PDE11A: variants seen among roughly 807,000 people sequenced by gnomAD.
PDE11A encodes dual 3',5'-cyclic-AMP and -GMP phosphodiesterase 11A.
A neutral mutation model predicts 100.5 loss-of-function variants in PDE11A; 100 were observed. That is an observed-to-expected ratio of 1.00 (90% CI 0.85 to 1.18). The LOEUF (loss-of-function observed/expected upper bound fraction) is 1.18. Ranked by LOEUF, PDE11A falls within the 50% of genes most tolerant of loss-of-function variation. The pLI is 0.00. For synonymous variants in PDE11A, 381 were observed against 420.8 expected (o/e 0.91, Z 1.16); for missense variants, 1,141 against 1,152.6 (o/e 0.99, Z 0.15).
At chr2:177,786,998 G>A (rs1239276124) in intron 9 of PDE11A, among the ~76,000 whole-genome samples, 1 of 145,772 alleles carries the variant, frequency 6.9e-6, no homozygotes, top group Non-Finnish European at 1.5e-5. Flanking sequence ...CCCCAATCTA[G>A]CAAGGCAGGC....
At chr2:177,987,774 T>G (rs942498034) in intron 2 of PDE11A, among the ~76,000 whole-genome samples, 3 of 152,236 alleles carry the variant, frequency 2.0e-5, no homozygotes, top group Non-Finnish European at 4.4e-5. Context: ...TTTTATCATT[T>G]ATTATGTTTT....
At chr2:177,947,707 A>G (rs1355001625) in intron 2 of PDE11A, among the ~76,000 whole-genome samples, 1 of 151,688 alleles carries the variant, frequency 6.6e-6, no homozygotes, top group Non-Finnish European at 1.5e-5. Context: ...TCCCTCCACT[A>G]TTGTCCCATG....
intron 18 of PDE11A, among the ~76,000 whole-genome samples, chr2:177,668,511 C>T (rs942157019): frequency 3.3e-5 from 5 of 152,112 alleles, no homozygotes; most frequent in African/African-American, 1.2e-4. Flanking sequence ...TGTGTTTCAA[C>T]CTATGTAGCC....
At chr2:177,957,253 T>C (rs1193132679) in intron 2 of PDE11A, among the ~76,000 whole-genome samples, 2 of 133,612 alleles carry the variant, frequency 1.5e-5, no homozygotes, top group Admixed American at 1.4e-4. Context: ...TATATGCTAT[T>C]TTTTCCCAAC....
chr2:177,682,572 A>C (rs1407043211), intron 15 of PDE11A, among the ~76,000 whole-genome samples: 1 of 152,240 alleles, frequency 6.6e-6, no homozygotes, highest in Non-Finnish European at 1.5e-5. Context: ...AGAAAAGGAA[A>C]AAAAGAGGAC....
At chr2:177,845,858 G>A (rs539819947) in intron 5 of PDE11A, among the ~76,000 whole-genome samples, 61 of 152,320 alleles carry the variant, frequency 4.0e-4, no homozygotes, top group African/African-American at 7.9e-4. Context: ...GCGAAACCCC[G>A]TCTCCACCAA....
chr2:178,072,253 G>A lies in PDE11A; in HGVS notation c.185C>T (p.Ala62Val). Residue 62 changes from alanine (A) to valine (V), a missense_variant, in exon 1 of 20, where the codon GCT (alanine) becomes GTT (valine). By Grantham distance (64) the Ala-to-Val change is moderately conservative (BLOSUM62 0). Coordinates refer to ENST00000286063, the MANE Select transcript of PDE11A (RefSeq NM_016953.4). Reference sequence around the variant, plus strand: ...GCTGCCACCTCTGCAGGTGCTGTGAGCCAAGCTGCTGGTACCAGCCAAAGA... The same window carrying A: ...GCTGCCACCTCTGCAGGTGCTGTGAACCAAGCTGCTGGTACCAGCCAAAGA... Reference protein sequence around the residue: ...RPSLAGTSSLAHSTCRGGSSV... With the variant: ...RPSLAGTSSLVHSTCRGGSSV... 6.2e-7 allele frequency: 1 copy of A among 1,613,544 alleles called. No individual in the cohort carries two copies. The highest frequency in any genetic ancestry group is 8.5e-7 in the Non-Finnish European group (1 of 1,179,714).
chr2:177,690,977 T>C (rs1279801744), intron 15 of PDE11A, among the ~76,000 whole-genome samples: 4 of 152,220 alleles, frequency 2.6e-5, no homozygotes, highest in Non-Finnish European at 5.9e-5. Flanking sequence ...GATAATTCAG[T>C]ATCAAAAAGT....
intron 1 of PDE11A, among the ~76,000 whole-genome samples, chr2:178,057,563 T>C (rs563420086): frequency 6.6e-6 from 1 of 152,346 alleles, no homozygotes; most frequent in African/African-American, 2.4e-5. Context: ...GTGATTTAAA[T>C]AAACATATGA....
rs755125283 is a variant in PDE11A at position 177,711,800 on chromosome 2, G to T, written c.2122C>A (p.His708Asn). 2.5e-6 allele frequency: 4 copies of T among 1,606,814 alleles called. No homozygotes were observed. The Admixed American group carries it at 6.7e-5, about 27-fold the overall frequency. ...TGGAAGGCATTGTTGGTTCCCCTGT[G>T]GTCGAGGTCATGACACAGGCATCCC... Reference protein sequence around the residue: ...IVGCLCHDLDHRGTNNAFQAK... With the variant: ...IVGCLCHDLDNRGTNNAFQAK... The change falls in exon 13 of 20, where the codon CAC (histidine) becomes AAC (asparagine). Residue 708 changes from histidine to asparagine, a missense_variant. Physicochemically the swap from His to Asn is moderately conservative, Grantham distance 68. Coordinates refer to ENST00000286063, the MANE Select transcript of PDE11A (RefSeq NM_016953.4).
chr2:177,653,837 A>G, intron 19 of PDE11A, among the ~76,000 whole-genome samples: 1 of 152,214 alleles, frequency 6.6e-6, no homozygotes, highest in South Asian at 2.1e-4. Context: ...GTACTTTGTT[A>G]CAGCAGCCCT....
intron 5 of PDE11A, among the ~76,000 whole-genome samples, chr2:177,843,982 T>G (rs1239247378): frequency 6.6e-6 from 1 of 152,152 alleles, no homozygotes; most frequent in Non-Finnish European, 1.5e-5. Context: ...AGTGCAACAG[T>G]GCAAACAGAT....
chr2:177,897,429 AC>A (rs1363537178), intron 4 of PDE11A, among the ~76,000 whole-genome samples: 1 of 152,176 alleles, frequency 6.6e-6, no homozygotes, highest in Admixed American at 6.5e-5. Context: ...AGGGAAGTGA[AC>A]AGCAGCCCCC....
At position 178,051,628 on chromosome 2, in the gene PDE11A, C is replaced by G. The variant is rs577885939; in HGVS notation, c.912+19898G>C. Among the ~76,000 whole-genome samples, 9 of 152,148 alleles carry G rather than the reference C, an allele frequency of 5.9e-5. No homozygotes were observed. The East Asian group carries it at 1.7e-3, about 29-fold the overall frequency. On this transcript the variant is annotated intron_variant, in intron 1 of 19. Coordinates refer to ENST00000286063, the MANE Select transcript of PDE11A (RefSeq NM_016953.4). ...AGGAGACCTATCTCATGTGCAGAGA[C>G]ACACATAGGCTCAAAATAAAGGGAT...
At chr2:177,786,596 C>T (rs1260416690) in intron 9 of PDE11A, among the ~76,000 whole-genome samples, 1 of 152,064 alleles carries the variant, frequency 6.6e-6, no homozygotes, top group Non-Finnish European at 1.5e-5. Flanking sequence ...CTCTGAGCTA[C>T]AGGAGGAAAT....
intron 19 of PDE11A, among the ~76,000 whole-genome samples, chr2:177,631,541 ATATATACACATG>A (rs1294501275): frequency 5.7e-4 from 15 of 26,136 alleles, no homozygotes; most frequent in Admixed American, 1.3e-3. Context: ...ATATATATAT[ATATATACACATG>A]TATATATATA....
At chr2:178,086,443 T>C (rs945205487) in intron 2 of PDE11A, among the ~76,000 whole-genome samples, 3 of 152,194 alleles carry the variant, frequency 2.0e-5, no homozygotes, top group Non-Finnish European at 4.4e-5. Context: ...TAAATATTTA[T>C]TGAATAAACT....
At chr2:177,636,672 A>G (rs1421776444) in intron 19 of PDE11A, among the ~76,000 whole-genome samples, 1 of 152,342 alleles carries the variant, frequency 6.6e-6, no homozygotes, top group East Asian at 1.9e-4. Flanking sequence ...CTGAAACTGC[A>G]GGGTTTCTCT....
intron 9 of PDE11A, among the ~76,000 whole-genome samples, chr2:177,785,024 G>A (rs1456602599): frequency 6.6e-6 from 1 of 152,070 alleles, no homozygotes; most frequent in African/African-American, 2.4e-5. Context: ...TTCTTAATTT[G>A]TCAATGCTTA....
Sources: gnomAD v4.1 joint callset for allele counts (sites outside exome capture counted in the v4.1 genomes callset) on GRCh38, gnomAD v4.1.1 for gene constraint, MANE v1.5 for transcripts, NCBI Gene and HGNC (gene_info 2026-07-23, HGNC 2026-07-21) for gene names.